Variants in LRRC37A2 observed in about 807,000 individuals in gnomAD.
LRRC37A2 encodes the protein leucine-rich repeat-containing protein 37A2.
In LRRC37A2, 9 loss-of-function variants were observed where a neutral mutation model predicts 68.8. The ratio of observed to expected loss-of-function variants is 0.13; its 90% confidence interval spans 0.08 to 0.23. The LOEUF is 0.23. Among genes scored for constraint, LRRC37A2 ranks in the 10% least tolerant of loss-of-function variants. LRRC37A2 has a pLI of 1.00. For synonymous variants in LRRC37A2, 63 were observed against 367.6 expected, an observed-to-expected ratio of 0.17 and a Z score of 9.48; for missense variants, 168 against 950.4, an observed-to-expected ratio of 0.18 and a Z score of 10.82.
the LRRC37A2 span, among the ~76,000 whole-genome samples, chr17:46,880,537 T>G: frequency 4.6e-5 from 7 of 152,144 alleles, no homozygotes; most frequent in African/African-American, 1.4e-4. Flanking sequence ...AATAAACCAA[T>G]AAATGACATG....
At chr17:46,807,383 G>A in the LRRC37A2 span, among the ~76,000 whole-genome samples, 1 of 152,210 alleles carries the variant, frequency 6.6e-6, no homozygotes. Context: ...TTGGGAGGCT[G>A]AGGCAGGAGA....
the LRRC37A2 span, among the ~76,000 whole-genome samples, chr17:46,847,967 A>AGTGCGT: frequency 6.7e-6 from 1 of 149,584 alleles, no homozygotes; most frequent in African/African-American, 2.5e-5. Context: ...TGATTTCCAA[A>AGTGCGT]GTGTGTGTGT....
At chr17:46,544,810 A>C (rs1326647377) in intron 8 of LRRC37A2, among the ~76,000 whole-genome samples, 2 of 118,450 alleles carry the variant, frequency 1.7e-5, no homozygotes, top group Non-Finnish European at 3.4e-5. Context: ...ATTGGAAAAA[A>C]TTCAAACAAG....
the LRRC37A2 span, among the ~76,000 whole-genome samples, chr17:46,601,926 G>A: frequency 2.1e-5 from 3 of 145,698 alleles, no homozygotes; most frequent in Non-Finnish European, 3.0e-5. Flanking sequence ...GCTCACACCT[G>A]TAATCCTAGC....
chr17:46,992,220 T>TAAATAAATAAATAAATAAATAAATA, the LRRC37A2 span, among the ~76,000 whole-genome samples: 72 of 36,410 alleles, frequency 2.0e-3, no homozygotes, highest in African/African-American at 4.3e-3. Flanking sequence ...ATAAATAAAT[T>TAAATAAATAAATAAATAAATAAATA]AGCCAGGTGT....
chr17:46,899,010 C>G, the LRRC37A2 span, among the ~76,000 whole-genome samples: 1 of 152,110 alleles, frequency 6.6e-6, no homozygotes, highest in Admixed American at 6.5e-5. Flanking sequence ...TGGAAACAAC[C>G]CAAATGTCCA....
chr17:46,961,494 C>T, the LRRC37A2 span, among the ~76,000 whole-genome samples: 1 of 152,072 alleles, frequency 6.6e-6, no homozygotes, highest in East Asian at 1.9e-4. Context: ...ATGATCACGC[C>T]ATTGCACTCC....
the LRRC37A2 span, among the ~76,000 whole-genome samples, chr17:46,985,321 C>G: frequency 6.6e-6 from 1 of 151,940 alleles, no homozygotes; most frequent in Non-Finnish European, 1.5e-5. Flanking sequence ...TAGTTCGAGA[C>G]CAGCCTGACC....
chr17:47,035,601 T>A, the LRRC37A2 span, among the ~76,000 whole-genome samples: 1 of 152,242 alleles, frequency 6.6e-6, no homozygotes, highest in Non-Finnish European at 1.5e-5. Flanking sequence ...TTATTTTGGC[T>A]TTTATGAATA....
chr17:46,988,741 C>T, the LRRC37A2 span, among the ~76,000 whole-genome samples: 1 of 151,938 alleles, frequency 6.6e-6, no homozygotes, highest in Non-Finnish European at 1.5e-5. Flanking sequence ...GAGGCATGGC[C>T]GGGGAACTTA....
the LRRC37A2 span, among the ~76,000 whole-genome samples, chr17:47,006,410 G>A: frequency 6.6e-6 from 1 of 152,026 alleles, no homozygotes; most frequent in East Asian, 1.9e-4. Flanking sequence ...TCAGGAGTTC[G>A]AGACCAGCCT....
the LRRC37A2 span, among the ~76,000 whole-genome samples, chr17:46,673,910 G>GTGTGT: frequency 1.4e-3 from 10 of 6,992 alleles, 3 homozygotes; most frequent in East Asian, 7.9e-3. Flanking sequence ...ATTCCATGGG[G>GTGTGT]GTGTGTGTGT....
chr17:46,968,045 G>A, the LRRC37A2 span, among the ~76,000 whole-genome samples: 8 of 152,076 alleles, frequency 5.3e-5, no homozygotes, highest in Non-Finnish European at 7.4e-5. Context: ...CTGGGAAGAG[G>A]ACCAGCCTGG....
chr17:46,770,431 C>G, the LRRC37A2 span, among the ~76,000 whole-genome samples: 10 of 152,196 alleles, frequency 6.6e-5, no homozygotes, highest in African/African-American at 2.4e-4. Flanking sequence ...CAGAGACCAC[C>G]CTGCACAGGC....
At chr17:47,033,492 T>C in the LRRC37A2 span, 3 of 650,372 alleles carry the variant, frequency 4.6e-6, no homozygotes, top group African/African-American at 1.8e-5. Flanking sequence ...CCTTCTTCCA[T>C]GGAACCAGTT....
chr17:46,732,455 G>A, the LRRC37A2 span, among the ~76,000 whole-genome samples: 5 of 146,342 alleles, frequency 3.4e-5, no homozygotes, highest in Non-Finnish European at 7.4e-5. Context: ...TTTCAGTGTA[G>A]AACTAAAAAT....
the LRRC37A2 span, among the ~76,000 whole-genome samples, chr17:46,976,376 T>TAATA: frequency 1.3e-4 from 19 of 151,106 alleles, 1 homozygote; most frequent in Admixed American, 3.3e-4. Context: ...CTACTAAAAA[T>TAATA]AATAAATAAA....
the LRRC37A2 span, chr17:46,929,841 C>G: frequency 0.065 from 31,415 of 482,616 alleles, 1,333 homozygotes; most frequent in Admixed American, 0.13. Flanking sequence ...GCGCTTGCCT[C>G]CATCTATCTT....
the LRRC37A2 span, among the ~76,000 whole-genome samples, chr17:46,824,999 C>T: frequency 6.6e-6 from 1 of 152,242 alleles, no homozygotes; most frequent in African/African-American, 2.4e-5. Context: ...CTCGTGCTGC[C>T]TCTCCAGCCA....
Sources: allele counts gnomAD v4.1 joint callset (sites outside exome capture counted in the v4.1 genomes callset), GRCh38; gene constraint gnomAD v4.1.1; transcripts MANE v1.5; gene names NCBI Gene and HGNC (gene_info 2026-07-23, HGNC 2026-07-21).